FOXP1: variants seen among roughly 807,000 people sequenced by gnomAD.
The protein encoded by FOXP1 is forkhead box P1, also known as forkhead box protein P1.
Under a neutral mutation model 98.2 loss-of-function variants are expected in FOXP1, and 15 were observed. That is an observed-to-expected ratio of 0.15 (90% confidence interval 0.10 to 0.24). The LOEUF is 0.24. Ranked by LOEUF, FOXP1 falls within the 10% of genes least tolerant of loss-of-function variation. The pLI, the probability that FOXP1 is intolerant of heterozygous loss-of-function variation, is 1.00. For synonymous variants in FOXP1, 371 were observed against 314.5 expected, an observed-to-expected ratio of 1.18 and a Z score of -1.90; for missense variants, 633 against 848.5, an observed-to-expected ratio of 0.75 and a Z score of 3.15.
At chr3:71,528,516 T>C (rs1396031893) in intron 2 of FOXP1, among the ~76,000 whole-genome samples, 2 of 152,222 alleles carry the variant, frequency 1.3e-5, no homozygotes, top group African/African-American at 2.4e-5. Context: ...CAAAACTTAC[T>C]CACAGTATCA....
chr3:71,105,215 T>C (rs531018826), intron 7 of FOXP1, among the ~76,000 whole-genome samples: 1 of 152,198 alleles, frequency 6.6e-6, no homozygotes, highest in African/African-American at 2.4e-5. Context: ...TTTTCTTTTT[T>C]TTTCCCCCTC....
chr3:70,971,883 A>G, intron 18 of FOXP1: 1 of 646,504 alleles, frequency 1.5e-6, no homozygotes, highest in East Asian at 3.2e-5. Context: ...CAAATCACAC[A>G]ATTTAGTTTC....
chr3:71,507,739 G>T (rs999006539), intron 2 of FOXP1, among the ~76,000 whole-genome samples: 1 of 151,986 alleles, frequency 6.6e-6, no homozygotes, highest in South Asian at 2.1e-4. Flanking sequence ...CACCATGCCC[G>T]GCTAATTTTT....
chr3:71,246,299 G>A (rs551806146), intron 5 of FOXP1, among the ~76,000 whole-genome samples: 33 of 152,262 alleles, frequency 2.2e-4, no homozygotes, highest in African/African-American at 6.3e-4. Context: ...TGCTGCCTGC[G>A]AGAACCCGAG....
At position 70,955,931 on chromosome 3, in the gene FOXP1, A is replaced by G. The variant is rs1205775611; in HGVS notation, c.*3316T>C. 4.3e-6 allele frequency: 1 copy of G among 232,568 alleles called. No individual in the cohort carries two copies. The highest frequency in any genetic ancestry group is 5.6e-5 in the Admixed American group (1 of 17,712). 14.4% of individuals were successfully genotyped at this position (232,568 alleles called of 1,614,324 possible). A position where few individuals can be genotyped will look rare whatever the true frequency, so the allele number is the denominator to read the frequency against. On this transcript the variant is annotated 3_prime_UTR_variant, in exon 21 of 21. Transcript: ENST00000649528. The stretch of plus-strand genomic sequence containing the variant: ...CAACTATGTTACAGTTTAAAAGCAG[A>G]AAAAAAAAGTTAGGGAGTTTCTCCC...
Position 71,350,599 on chromosome 3 carries a change from C to T in FOXP1, c.-73+8551G>A, listed in dbSNP as rs1229944295. Among the ~76,000 whole-genome samples, 5 of 152,190 alleles carry T rather than the reference C, an allele frequency of 3.3e-5. No individual in the cohort carries two copies. In the East Asian group the frequency reaches 9.7e-4, roughly 29 times the overall value. On this transcript the variant is annotated intron_variant, in intron 4 of 20. Transcript: ENST00000649528. Reference sequence around the variant, plus strand: ...ACTCTAGACTCCTCGAGGACAGAGGCATGGTAGCATTTCTGAGGCACAGCC... The same window carrying T: ...ACTCTAGACTCCTCGAGGACAGAGGTATGGTAGCATTTCTGAGGCACAGCC...
intron 2 of FOXP1, among the ~76,000 whole-genome samples, chr3:71,560,769 T>C (rs935916209): frequency 6.6e-6 from 1 of 152,152 alleles, no homozygotes; most frequent in African/African-American, 2.4e-5. Flanking sequence ...AGGTAATCCT[T>C]GAAAATATCC....
At chr3:71,378,364 C>T (rs2079883902) in intron 3 of FOXP1, among the ~76,000 whole-genome samples, 1 of 140,198 alleles carries the variant, frequency 7.1e-6, no homozygotes, top group Admixed American at 7.1e-5. Flanking sequence ...TTGTGCTTTC[C>T]AGGGTCTCAG....
At chr3:71,185,192 CA>C (rs34104249) in intron 6 of FOXP1, among the ~76,000 whole-genome samples, 2,840 of 142,390 alleles carry the variant, frequency 0.02, 98 homozygotes, top group African/African-American at 0.068. Flanking sequence ...GACTCCGTCT[CA>C]AAAAAAAAAA....
chr3:71,290,124 A>G (rs966838790), intron 5 of FOXP1, among the ~76,000 whole-genome samples: 9 of 152,070 alleles, frequency 5.9e-5, no homozygotes, highest in African/African-American at 2.2e-4. Context: ...CCATATCTAC[A>G]ACTACATTCC....
At chr3:71,498,327 A>G (rs2091553447) in intron 2 of FOXP1, among the ~76,000 whole-genome samples, 1 of 152,162 alleles carries the variant, frequency 6.6e-6, no homozygotes, top group African/African-American at 2.4e-5. Context: ...GTCTGCAGGG[A>G]GCTAGAAAGA....
At chr3:71,147,044 G>T (rs1289023493) in intron 6 of FOXP1, among the ~76,000 whole-genome samples, 1 of 152,184 alleles carries the variant, frequency 6.6e-6, no homozygotes, top group Middle Eastern at 3.2e-3. Context: ...ATTTACTCTG[G>T]ATGCCTAAAT....
chr3:71,265,369 A>C (rs1164596532), intron 5 of FOXP1, among the ~76,000 whole-genome samples: 1 of 152,176 alleles, frequency 6.6e-6, no homozygotes, highest in Non-Finnish European at 1.5e-5. Flanking sequence ...AAGCCTCAAG[A>C]ACTGATGTAA....
chr3:71,532,389 G>T (rs929092739), intron 2 of FOXP1, among the ~76,000 whole-genome samples: 14 of 152,054 alleles, frequency 9.2e-5, no homozygotes, highest in Non-Finnish European at 1.6e-4. Context: ...GAGCCACCAC[G>T]GCCGGCACAA....
intron 9 of FOXP1, among the ~76,000 whole-genome samples, chr3:71,047,805 T>C (rs2049234419): frequency 6.6e-6 from 1 of 152,194 alleles, no homozygotes; most frequent in African/African-American, 2.4e-5. Context: ...TTGTCCTGCT[T>C]CCCCCATCTG....
intron 3 of FOXP1, among the ~76,000 whole-genome samples, chr3:71,381,531 C>T (rs1186693943): frequency 1.3e-5 from 2 of 150,754 alleles, no homozygotes; most frequent in Admixed American, 6.6e-5. Flanking sequence ...CGGCCTCAAC[C>T]TCCTCGGGTT....
intron 3 of FOXP1, among the ~76,000 whole-genome samples, chr3:71,463,859 T>C (rs2088420919): frequency 6.6e-6 from 1 of 152,092 alleles, no homozygotes; most frequent in Non-Finnish European, 1.5e-5. Context: ...GAAGTATGGA[T>C]GCTGGCCAAG....
intron 9 of FOXP1, among the ~76,000 whole-genome samples, chr3:71,052,182 AAATT>A (rs758527991): frequency 1.5e-4 from 23 of 152,148 alleles, no homozygotes; most frequent in Non-Finnish European, 3.1e-4. Flanking sequence ...AAAAAAAAAA[AAATT>A]AAGTGTGCAT....
intron 7 of FOXP1, among the ~76,000 whole-genome samples, chr3:71,096,809 A>T (rs2056500186): frequency 6.6e-6 from 1 of 152,202 alleles, no homozygotes; most frequent in Non-Finnish European, 1.5e-5. Context: ...ATATCACACA[A>T]GTATGTGGTA....
Sources: gnomAD v4.1 joint callset for allele counts (sites outside exome capture counted in the v4.1 genomes callset) on GRCh38, gnomAD v4.1.1 for gene constraint, MANE v1.5 for transcripts, NCBI Gene and HGNC (gene_info 2026-07-23, HGNC 2026-07-21) for gene names.